Variants in DSCAM observed in about 807,000 individuals in gnomAD.
DSCAM encodes the protein DS cell adhesion molecule.
DSCAM carries 47 observed loss-of-function variants against 217.7 expected under a neutral mutation model. That is an observed-to-expected ratio of 0.22 (90% CI 0.17 to 0.28). The LOEUF is 0.28. Ranked by LOEUF, DSCAM falls within the 10% of genes least tolerant of loss-of-function variation. DSCAM has a pLI of 1.00. For synonymous variants in DSCAM, 1,056 were observed against 1,015.3 expected (o/e 1.04, Z -0.76); for missense variants, 2,080 against 2,618.3 (o/e 0.79, Z 4.49).
intron 27 of DSCAM, among the ~76,000 whole-genome samples, chr21:40,074,291 G>A (rs1041205971): frequency 3.3e-5 from 5 of 152,114 alleles, no homozygotes; most frequent in African/African-American, 7.2e-5. Context: ...ACACGTTACC[G>A]AAAAAGTGGC....
At chr21:40,643,557 T>C (rs1172943843) in intron 3 of DSCAM, among the ~76,000 whole-genome samples, 1 of 152,142 alleles carries the variant, frequency 6.6e-6, no homozygotes, top group African/African-American at 2.4e-5. Flanking sequence ...GTTCAACTAA[T>C]TTGGGATGCC....
chr21:40,139,015 TGTGTGTGTA>T (rs1299915720), intron 18 of DSCAM, among the ~76,000 whole-genome samples: 1 of 147,954 alleles, frequency 6.8e-6, no homozygotes, highest in Non-Finnish European at 1.5e-5. Context: ...GTATGTGTGG[TGTGTGTGTA>T]GTGTGTGTGT....
chr21:40,650,521 G>A (rs530113941), intron 3 of DSCAM, among the ~76,000 whole-genome samples: 10 of 152,340 alleles, frequency 6.6e-5, no homozygotes, highest in Admixed American at 1.3e-4. Context: ...GTGGGCTGGC[G>A]TCGTCCAGTT....
chr21:40,330,493 A>G (rs554937652), intron 8 of DSCAM, among the ~76,000 whole-genome samples: 252 of 151,200 alleles, frequency 1.7e-3, no homozygotes, highest in Middle Eastern at 0.01. Context: ...GTAATTTGAG[A>G]TATCGCTTAT....
intron 27 of DSCAM, among the ~76,000 whole-genome samples, chr21:40,074,026 CAGTGCTTT>C (rs2089330845): frequency 6.6e-6 from 1 of 152,148 alleles, no homozygotes; most frequent in Non-Finnish European, 1.5e-5. Flanking sequence ...CCATAAAAAG[CAGTGCTTT>C]GGTGCTTTGG....
At chr21:40,564,425 T>C (rs1239623652) in intron 3 of DSCAM, among the ~76,000 whole-genome samples, 1 of 152,202 alleles carries the variant, frequency 6.6e-6, no homozygotes, top group Admixed American at 6.5e-5. Context: ...ACAAAGAAGC[T>C]AGAGGGAAGA....
intron 32 of DSCAM, among the ~76,000 whole-genome samples, chr21:40,028,621 G>A (rs548753828): frequency 6.3e-4 from 96 of 152,276 alleles, no homozygotes; most frequent in African/African-American, 2.0e-3. Context: ...TCCAGGTGCC[G>A]TCCGTCACCC....
Position 40,182,651 on chromosome 21 carries a change from T to TCC in DSCAM, c.2780-3558_2780-3557insGG, listed in dbSNP as rs1568986474. ...AGAGAAACCGTGGACAGGAGGGGGT[T>TCC]ACCAGAGAAACCGTGGACAGGGGGG... On this transcript the variant is annotated intron_variant, in intron 14 of 32. Coordinates refer to ENST00000400454, the MANE Select transcript of DSCAM (RefSeq NM_001389.5). Among the ~76,000 whole-genome samples the TCC allele has an allele frequency of 1.3e-3, 125 of 95,334 alleles. 2 individuals are homozygous for TCC. Among genetic ancestry groups the TCC allele is most frequent in the African/African-American group, 6.2e-3 (111 of 17,878 alleles). The allele number at this position is 95,334 out of a possible 152,430, so 62.5% of individuals were successfully genotyped here.
At chr21:40,580,176 A>C (rs1168557170) in intron 3 of DSCAM, among the ~76,000 whole-genome samples, 1 of 150,600 alleles carries the variant, frequency 6.6e-6, no homozygotes, top group Non-Finnish European at 1.5e-5. Flanking sequence ...CTGCCTCCCG[A>C]GTTCAAGCCA....
chr21:40,166,593 C>T (rs545452256), intron 16 of DSCAM, among the ~76,000 whole-genome samples: 6 of 152,312 alleles, frequency 3.9e-5, no homozygotes, highest in South Asian at 4.2e-4. Flanking sequence ...TTGAATGAAA[C>T]GATGTGCTTA....
chr21:40,291,592 G>A (rs1428261918), intron 10 of DSCAM, among the ~76,000 whole-genome samples: 3 of 152,060 alleles, frequency 2.0e-5, no homozygotes, highest in Non-Finnish European at 4.4e-5. Context: ...TCCCGGCCTC[G>A]CCCCCTACCC....
chr21:40,811,835 C>A (rs919430541), intron 1 of DSCAM, among the ~76,000 whole-genome samples: 1 of 152,140 alleles, frequency 6.6e-6, no homozygotes, highest in Admixed American at 6.6e-5. Context: ...CTATGGGGTC[C>A]CATATGGGAT....
At chr21:40,344,263 A>G (rs937151663) in intron 6 of DSCAM, among the ~76,000 whole-genome samples, 1 of 152,106 alleles carries the variant, frequency 6.6e-6, no homozygotes, top group African/African-American at 2.4e-5. Context: ...AGAAAACACA[A>G]TTTTGCTAAA....
intron 3 of DSCAM, among the ~76,000 whole-genome samples, chr21:40,559,785 T>G (rs199644726): frequency 0.022 from 2,055 of 95,120 alleles, 45 homozygotes; most frequent in East Asian, 0.16. Flanking sequence ...AAATTTTCTG[T>G]CTTTTTTTTT....
intron 27 of DSCAM, among the ~76,000 whole-genome samples, chr21:40,067,237 A>C (rs1289666395): frequency 6.6e-6 from 1 of 152,216 alleles, no homozygotes; most frequent in East Asian, 1.9e-4. Context: ...TACAGTTTCT[A>C]CTGAATGCAT....
intron 14 of DSCAM, among the ~76,000 whole-genome samples, chr21:40,181,699 G>A (rs940966136): frequency 6.6e-6 from 1 of 151,414 alleles, no homozygotes; most frequent in East Asian, 1.9e-4. Context: ...AATCTCGTAT[G>A]CCTAGAAGAA....
chr21:40,250,303 A>G (rs2837533), intron 11 of DSCAM, among the ~76,000 whole-genome samples: 5,717 of 152,276 alleles, frequency 0.038, 329 homozygotes, highest in East Asian at 0.22. Flanking sequence ...TTTTTAAAAA[A>G]GTCAAGGGCC....
intron 1 of DSCAM, among the ~76,000 whole-genome samples, chr21:40,766,689 C>A (rs868325927): frequency 0.18 from 8,410 of 47,874 alleles, 370 homozygotes; most frequent in Non-Finnish European, 0.2. Context: ...AAAAAAAAAA[C>A]AACTTTTTTT....
chr21:40,342,539 A>AT (rs969610248), intron 6 of DSCAM, among the ~76,000 whole-genome samples: 6 of 145,150 alleles, frequency 4.1e-5, no homozygotes, highest in Non-Finnish European at 7.5e-5. Context: ...ATTAATACTC[A>AT]TTTTTTTGCC....
Sources: allele counts gnomAD v4.1 joint callset (sites outside exome capture counted in the v4.1 genomes callset), GRCh38; gene constraint gnomAD v4.1.1; transcripts MANE v1.5; gene names NCBI Gene and HGNC (gene_info 2026-07-23, HGNC 2026-07-21).